STK32B: variants seen among roughly 807,000 people sequenced by gnomAD.
STK32B encodes serine/threonine-protein kinase 32B.
STK32B carries 43 observed loss-of-function variants against 52.6 expected under a neutral mutation model. The observed-to-expected ratio is 0.82, with a 90% CI of 0.64 to 1.05. The LOEUF is 1.05. STK32B is among the 50% of genes least tolerant of loss of function. The probability of loss-of-function intolerance (pLI) is 0.00; values close to 1 mark genes in which losing one functional copy is unlikely to be tolerated. For synonymous variants in STK32B, 238 were observed against 204.3 expected, an observed-to-expected ratio of 1.17 and a Z score of -1.41; for missense variants, 621 against 534.6, an observed-to-expected ratio of 1.16 and a Z score of -1.59.
chr4:5,060,529 C>G (rs937416462), intron 1 of STK32B, among the ~76,000 whole-genome samples: 3 of 151,908 alleles, frequency 2.0e-5, no homozygotes, highest in African/African-American at 7.3e-5. Context: ...CTTCTGTACA[C>G]TTTTTGGTTT....
chr4:5,428,046 G>T (rs1481045896), intron 6 of STK32B, among the ~76,000 whole-genome samples: 1 of 151,660 alleles, frequency 6.6e-6, no homozygotes, highest in African/African-American at 2.4e-5. Flanking sequence ...TATAAATTTT[G>T]TTTTAAGTCC....
intron 3 of STK32B, among the ~76,000 whole-genome samples, chr4:5,313,567 C>G (rs541229479): frequency 6.6e-6 from 1 of 151,824 alleles, no homozygotes; most frequent in Non-Finnish European, 1.5e-5. Context: ...ATAGAACTGT[C>G]TCTATTTTCA....
At chr4:5,255,094 C>T (rs1244501148) in intron 3 of STK32B, among the ~76,000 whole-genome samples, 3 of 151,970 alleles carry the variant, frequency 2.0e-5, no homozygotes, top group African/African-American at 7.3e-5. Flanking sequence ...TGATATTAAT[C>T]AATTAAACAG....
intron 4 of STK32B, among the ~76,000 whole-genome samples, chr4:5,336,331 A>G (rs773105113): frequency 2.6e-5 from 4 of 151,916 alleles, no homozygotes; most frequent in Non-Finnish European, 4.4e-5. Context: ...GTTATAGTAA[A>G]CAAGCCCTAT....
intron 4 of STK32B, among the ~76,000 whole-genome samples, chr4:5,368,091 G>A (rs1019026709): frequency 1.3e-5 from 2 of 152,068 alleles, no homozygotes; most frequent in Non-Finnish European, 2.9e-5. Flanking sequence ...AAGTCAAAGA[G>A]GGGAGAGATG....
At chr4:5,279,899 C>T (rs186507296) in intron 3 of STK32B, among the ~76,000 whole-genome samples, 1 of 152,164 alleles carries the variant, frequency 6.6e-6, no homozygotes, top group Non-Finnish European at 1.5e-5. Flanking sequence ...GTGCCATGTC[C>T]CAAGGCTGCA....
intron 3 of STK32B, chr4:5,214,414 G>A (rs1290873421): frequency 2.6e-5 from 4 of 152,232 alleles, no homozygotes; most frequent in Non-Finnish European, 4.4e-5. Context: ...TTATAGCAGT[G>A]TGAGAACAGA....
At chr4:5,464,064 A>G (rs1717240304) in intron 9 of STK32B, among the ~76,000 whole-genome samples, 1 of 152,176 alleles carries the variant, frequency 6.6e-6, no homozygotes, top group African/African-American at 2.4e-5. Flanking sequence ...CGGAAGGTGA[A>G]GCAAGAGCAG....
chr4:5,129,060 A>G (rs1354811308), intron 1 of STK32B, among the ~76,000 whole-genome samples: 3 of 152,180 alleles, frequency 2.0e-5, no homozygotes, highest in African/African-American at 7.2e-5. Context: ...GAGAGGCAAA[A>G]TCGCACACCT....
chr4:5,370,344 C>T (rs1376555204), intron 4 of STK32B, among the ~76,000 whole-genome samples: 2 of 152,166 alleles, frequency 1.3e-5, no homozygotes, highest in East Asian at 3.8e-4. Flanking sequence ...AATGAATAAA[C>T]ACATCAATGA....
At chr4:5,248,388 G>C (rs1246670771) in intron 3 of STK32B, among the ~76,000 whole-genome samples, 1 of 152,196 alleles carries the variant, frequency 6.6e-6, no homozygotes, top group Non-Finnish European at 1.5e-5. Context: ...GGGACCTGAA[G>C]ACATAATGTG....
intron 3 of STK32B, among the ~76,000 whole-genome samples, chr4:5,306,321 T>C (rs181695784): frequency 5.0e-4 from 76 of 152,292 alleles, no homozygotes; most frequent in Non-Finnish European, 5.9e-5. Context: ...CCCCCATTAT[T>C]ATTGCATTGC....
At position 5,268,729 on chromosome 4, in the gene STK32B, C is replaced by T. The variant is rs80338454; in HGVS notation, c.261-62491C>T. On this transcript the variant is annotated intron_variant, in intron 3 of 11. Coordinates refer to ENST00000282908, the MANE Select transcript of STK32B (RefSeq NM_018401.3). ...CTGCACCTGCACATGCCACGGTTGT[C>T]AATTTTATTAACATTCCTTTGAAAA... Among the ~76,000 whole-genome samples, 558 of 152,136 alleles carry T rather than the reference C, an allele frequency of 3.7e-3. 5 individuals are homozygous for T. Among genetic ancestry groups the T allele is most frequent in the African/African-American group, 0.012 (517 of 41,514 alleles).
At chr4:5,299,091 C>T (rs1223023185) in intron 3 of STK32B, among the ~76,000 whole-genome samples, 1 of 151,902 alleles carries the variant, frequency 6.6e-6, no homozygotes, top group Non-Finnish European at 1.5e-5. Context: ...GAGGCAACAT[C>T]CCACCCTGCT....
At chr4:5,437,669 G>T (rs1714212745) in intron 6 of STK32B, among the ~76,000 whole-genome samples, 1 of 152,182 alleles carries the variant, frequency 6.6e-6, no homozygotes, top group South Asian at 2.1e-4. Context: ...AAATGCCTCT[G>T]CCTCCTCATC....
chr4:5,207,744 AAAG>A (rs1007713452), intron 3 of STK32B, among the ~76,000 whole-genome samples: 8 of 151,834 alleles, frequency 5.3e-5, no homozygotes, highest in East Asian at 2.0e-4. Flanking sequence ...CTGCAGCTGA[AAAG>A]AAGAAGGGTC....
At chr4:5,486,287 C>T (rs116467509) in intron 11 of STK32B, among the ~76,000 whole-genome samples, 16,288 of 152,168 alleles carry the variant, frequency 0.11, 1,271 homozygotes, top group Non-Finnish European at 0.16. Flanking sequence ...TTGGCAATGG[C>T]GGGCGCCCCA....
At chr4:5,375,312 C>A (rs142648359) in intron 4 of STK32B, among the ~76,000 whole-genome samples, 1,752 of 152,318 alleles carry the variant, frequency 0.012, 21 homozygotes, top group South Asian at 0.058. Flanking sequence ...CTAGAGCCCC[C>A]ACACTGACCC....
At chr4:5,308,510 T>C (rs1284581730) in intron 3 of STK32B, among the ~76,000 whole-genome samples, 1 of 152,172 alleles carries the variant, frequency 6.6e-6, no homozygotes, top group Non-Finnish European at 1.5e-5. Context: ...ATTATAAATA[T>C]TATAGGAGTA....
Sources: gnomAD v4.1 joint callset for allele counts (sites outside exome capture counted in the v4.1 genomes callset) on GRCh38, gnomAD v4.1.1 for gene constraint, MANE v1.5 for transcripts, NCBI Gene and HGNC (gene_info 2026-07-23, HGNC 2026-07-21) for gene names.